Variants in LDLRAD3 observed in about 807,000 individuals in gnomAD.
LDLRAD3 encodes low-density lipoprotein receptor class A domain-containing protein 3.
LDLRAD3 carries 20 observed loss-of-function variants against 29.4 expected under a neutral mutation model. The ratio of observed to expected loss-of-function variants is 0.68; its 90% CI spans 0.48 to 0.99. The LOEUF is 0.99. LDLRAD3 is among the 50% of genes least tolerant of loss of function. The pLI is 0.00. For synonymous variants in LDLRAD3, 157 were observed against 192.7 expected (o/e 0.81, Z 1.53); for missense variants, 420 against 454.3 (o/e 0.92, Z 0.69).
chr11:36,176,554 A>G (rs920827439), intron 4 of LDLRAD3, among the ~76,000 whole-genome samples: 6 of 151,846 alleles, frequency 4.0e-5, no homozygotes, highest in Non-Finnish European at 7.4e-5. Flanking sequence ...AAAAAAGACT[A>G]TCTTTCCTTC....
chr11:35,979,174 G>A (rs1435828195), intron 1 of LDLRAD3, among the ~76,000 whole-genome samples: 2 of 152,168 alleles, frequency 1.3e-5, no homozygotes, highest in Admixed American at 6.5e-5. Context: ...AATTCAGGTG[G>A]TGGGCACCAG....
chr11:36,222,152 C>G (rs915508334), intron 4 of LDLRAD3, among the ~76,000 whole-genome samples: 1 of 152,130 alleles, frequency 6.6e-6, no homozygotes, highest in African/African-American at 2.4e-5. Context: ...TCGCTGCAGC[C>G]TCAAACTCCT....
intron 2 of LDLRAD3, among the ~76,000 whole-genome samples, chr11:36,040,887 C>T (rs893749935): frequency 6.6e-6 from 1 of 152,030 alleles, no homozygotes; most frequent in African/African-American, 2.4e-5. Context: ...TGAAAAGTTA[C>T]TTTTTTTAAT....
chr11:36,209,473 C>G (rs1179444148), intron 4 of LDLRAD3, among the ~76,000 whole-genome samples: 1 of 150,044 alleles, frequency 6.7e-6, no homozygotes, highest in Non-Finnish European at 1.5e-5. Context: ...AATTCTCTTG[C>G]CTCAGCCTCC....
chr11:35,954,934 G>A (rs1851182982), intron 1 of LDLRAD3, among the ~76,000 whole-genome samples: 1 of 152,178 alleles, frequency 6.6e-6, no homozygotes, highest in Admixed American at 6.5e-5. Context: ...GTCACCAAGA[G>A]GAAATAAATT....
At chr11:36,226,384 G>A (rs1427010011) in intron 4 of LDLRAD3, among the ~76,000 whole-genome samples, 4 of 152,168 alleles carry the variant, frequency 2.6e-5, no homozygotes, top group Non-Finnish European at 5.9e-5. Flanking sequence ...TGAAATAAAT[G>A]ATTTGCAGGT....
At chr11:36,012,803 C>T (rs534253158) in intron 1 of LDLRAD3, among the ~76,000 whole-genome samples, 5 of 151,974 alleles carry the variant, frequency 3.3e-5, no homozygotes, top group East Asian at 1.9e-4. Context: ...CTGCAAAAAA[C>T]GAAACTGCAG....
chr11:36,123,262 C>A (rs192512202), intron 4 of LDLRAD3, among the ~76,000 whole-genome samples: 5 of 152,264 alleles, frequency 3.3e-5, no homozygotes, highest in East Asian at 3.9e-4. Flanking sequence ...AAATGAGTAA[C>A]CATCAGTGCT....
intron 2 of LDLRAD3, among the ~76,000 whole-genome samples, chr11:36,077,300 C>T (rs781172885): frequency 7.9e-5 from 12 of 152,126 alleles, no homozygotes; most frequent in Non-Finnish European, 1.6e-4. Context: ...TTCTTATACC[C>T]CTTCTCTTCT....
At chr11:36,110,701 A>G (rs1342948930) in intron 4 of LDLRAD3, among the ~76,000 whole-genome samples, 2 of 152,240 alleles carry the variant, frequency 1.3e-5, no homozygotes, top group African/African-American at 4.8e-5. Context: ...TACTGGAAGA[A>G]ATACAAACTA....
intron 4 of LDLRAD3, chr11:36,197,926 C>G (rs1855059512): frequency 6.6e-6 from 1 of 151,890 alleles, no homozygotes; most frequent in Non-Finnish European, 1.5e-5. Context: ...TGGCACACAC[C>G]TGTAGTCCCA....
At chr11:36,134,414 C>T (rs1191362706) in intron 4 of LDLRAD3, among the ~76,000 whole-genome samples, 1 of 152,122 alleles carries the variant, frequency 6.6e-6, no homozygotes, top group East Asian at 1.9e-4. Context: ...CCTGTCATGT[C>T]TTAGGCTGCT....
In LDLRAD3 at chr11:36,107,204, C is replaced by CT. The variant is rs1282766992; in HGVS notation, c.454+8756dup. Among the ~76,000 whole-genome samples, 855 of 143,824 alleles carry CT rather than the reference C, an allele frequency of 5.9e-3. 7 individuals are homozygous for CT. The highest frequency in any genetic ancestry group is 0.012 in the African/African-American group (482 of 39,580). The allele number at this position is 143,824 out of a possible 152,430, so 94.4% of individuals were successfully genotyped here. ...GTCTGTAATTTTTCTTTTTCTTTTT[C>CT]TTTTTTTTTTTTTGAGACAGAGTTT... On this transcript the variant is annotated intron_variant, in intron 4 of 5. Coordinates refer to ENST00000315571, the MANE Select transcript of LDLRAD3 (RefSeq NM_174902.4).
At chr11:36,112,487 C>T (rs759587353) in intron 4 of LDLRAD3, among the ~76,000 whole-genome samples, 1 of 152,238 alleles carries the variant, frequency 6.6e-6, no homozygotes, top group Non-Finnish European at 1.5e-5. Flanking sequence ...TCAGCAACTT[C>T]CAGACCGTGC....
chr11:36,023,457 C>A (rs1046039109), intron 1 of LDLRAD3, among the ~76,000 whole-genome samples: 1 of 152,182 alleles, frequency 6.6e-6, no homozygotes, highest in Admixed American at 6.5e-5. Flanking sequence ...GACTTGGATT[C>A]TCTGGCTAGC....
intron 4 of LDLRAD3, among the ~76,000 whole-genome samples, chr11:36,170,196 A>G (rs1390771643): frequency 1.3e-5 from 2 of 151,482 alleles, no homozygotes; most frequent in East Asian, 3.9e-4. Context: ...ATATGCCATT[A>G]TTTTGTTCCT....
intron 4 of LDLRAD3, among the ~76,000 whole-genome samples, chr11:36,212,457 A>G (rs528221055): frequency 3.3e-5 from 5 of 152,206 alleles, no homozygotes; most frequent in Admixed American, 3.3e-4. Context: ...CCTAGCTCCC[A>G]ATTACCCTCT....
intron 2 of LDLRAD3, among the ~76,000 whole-genome samples, chr11:36,037,739 T>G (rs766793501): frequency 1.3e-5 from 2 of 152,186 alleles, no homozygotes; most frequent in Non-Finnish European, 1.5e-5. Context: ...AAACTGGTCC[T>G]TCGCCCATCC....
chr11:35,985,970 C>T lies in LDLRAD3; in HGVS notation c.46+41826C>T, dbSNP rs185735526. 1.4e-3 allele frequency among the ~76,000 whole-genome samples: 205 copies of T among 150,294 alleles called. 1 individual carries two copies. Among genetic ancestry groups the T allele is most frequent in the African/African-American group, 5.0e-3 (198 of 39,820 alleles). ...TGCAAAATCTAGGCTGGGTTGTGCC[C>T]AAGGAGAGGGCAGGAGACAGTACCC... On this transcript the variant is annotated intron_variant, in intron 1 of 5. Transcript: ENST00000315571.
Sources: allele counts gnomAD v4.1 joint callset (sites outside exome capture counted in the v4.1 genomes callset), GRCh38; gene constraint gnomAD v4.1.1; transcripts MANE v1.5; gene names NCBI Gene and HGNC (gene_info 2026-07-23, HGNC 2026-07-21).